The following DENND11 variants were observed in gnomAD, a reference collection of about 807,000 sequenced individuals.
DENND11 encodes the protein DENN domain containing 11.
DENND11 carries 34 observed loss-of-function variants against 49.2 expected under a neutral mutation model. The observed-to-expected ratio is 0.69, with a 90% CI of 0.53 to 0.92. DENND11 has a LOEUF of 0.92. DENND11 is among the 40% of genes least tolerant of loss of function. The pLI, the probability that DENND11 is intolerant of heterozygous loss-of-function variation, is 0.00. For synonymous variants in DENND11, 238 were observed against 230.3 expected (o/e 1.03, Z -0.30); for missense variants, 475 against 581.6 (o/e 0.82, Z 1.88).
At position 141,658,894 on chromosome 7, in the gene DENND11, G is replaced by C. The variant is rs1797741921; in HGVS notation, c.*3762C>G. The C allele has an allele frequency of 1.3e-5, 2 of 152,574 alleles. No individual in the cohort carries two copies. Among genetic ancestry groups the C allele is most frequent in the South Asian group, 4.1e-4 (2 of 4,820 alleles). The allele number at this position is 152,574 out of a possible 1,614,324, so 9.5% of individuals were successfully genotyped here. A position where few individuals can be genotyped will look rare whatever the true frequency, so the allele number is the denominator to read the frequency against. ...AGTGATTTCATCTTTTACTGTGTTTGAAGGGCTTTCAGTGCATCAAGACTG... is the reference window on the plus strand; with the variant it reads ...AGTGATTTCATCTTTTACTGTGTTTCAAGGGCTTTCAGTGCATCAAGACTG... On this transcript the variant is annotated 3_prime_UTR_variant, in exon 9 of 9. Transcript: ENST00000536163.
intron 1 of DENND11, 128 bp downstream of exon 1, chr7:141,701,758 G>C (rs1798523548): frequency 1.3e-6 from 1 of 794,900 alleles, no homozygotes. Context: ...GGGAGCCCGG[G>C]GCCGGCCCTG....
chr7:141,661,697 CTGCTGCTAA>C lies in DENND11; in HGVS notation c.*950_*958del, dbSNP rs948998061. 1.3e-5 allele frequency: 2 copies of C among 152,256 alleles called. No homozygotes were observed. Among genetic ancestry groups the C allele is most frequent in the Non-Finnish European group, 2.9e-5 (2 of 68,068 alleles). 9.4% of individuals were successfully genotyped at this position (152,256 alleles called of 1,614,324 possible). On this transcript the variant is annotated 3_prime_UTR_variant, in exon 9 of 9. Transcript: ENST00000536163. ...GTAAATCTGTGTTGACCCAGAGGTG[CTGCTGCTAA>C]TGCCTCCAGAGAATTCGTGTCCAGA...
At chr7:141,683,437 G>A (rs983986421) in intron 3 of DENND11, among the ~76,000 whole-genome samples, 2 of 152,016 alleles carry the variant, frequency 1.3e-5, no homozygotes, top group Non-Finnish European at 2.9e-5. Flanking sequence ...TCAGGAGTTC[G>A]AGACTAGCCT....
chr7:141,697,790 TAC>T (rs1419222371), intron 1 of DENND11, among the ~76,000 whole-genome samples: 1 of 152,184 alleles, frequency 6.6e-6, no homozygotes, highest in Non-Finnish European at 1.5e-5. Flanking sequence ...ACAGGGAATC[TAC>T]AGAGATTAAA....
rs748466235 is a variant in DENND11 at position 141,665,068 on chromosome 7, G to A, written c.953-14C>T. The A allele has an allele frequency of 3.7e-6, 6 of 1,612,956 alleles. No individual in the cohort carries two copies. In the African/African-American group the frequency reaches 5.3e-5, roughly 14 times the overall value. On this transcript the variant is annotated splice_polypyrimidine_tract_variant and intron_variant, in intron 6 of 8. Transcript: ENST00000536163. ...TCTCTGTGGTGCCTGTGGAACCCGGGGTTAGAGAGGTGGGAACCCACCCGA... is the reference window on the plus strand; with the variant it reads ...TCTCTGTGGTGCCTGTGGAACCCGGAGTTAGAGAGGTGGGAACCCACCCGA...
chr7:141,680,984 A>C (rs1406960970), intron 3 of DENND11, among the ~76,000 whole-genome samples: 1 of 152,164 alleles, frequency 6.6e-6, no homozygotes, highest in Non-Finnish European at 1.5e-5. Flanking sequence ...CGATACCTGG[A>C]AATGAGTTAC....
chr7:141,674,762 T>G (rs1180467385), intron 3 of DENND11, among the ~76,000 whole-genome samples: 1 of 152,094 alleles, frequency 6.6e-6, no homozygotes, highest in Non-Finnish European at 1.5e-5. Context: ...GCATCAAGTA[T>G]AATAATAAAG....
Position 141,692,639 on chromosome 7 carries a change from T to C in DENND11, c.269-5981A>G, listed in dbSNP as rs147249854. ...ACAAAAATTTATTCAATATGGAAAG[T>C]AGCTAGCCTAGGCAACATAGCGAGA... On this transcript the variant is annotated intron_variant, in intron 1 of 8. Coordinates refer to ENST00000536163, the MANE Select transcript of DENND11 (RefSeq NM_001080392.2). Among the ~76,000 whole-genome samples, 761 of 152,068 alleles carry C rather than the reference T, an allele frequency of 5.0e-3. 11 individuals carry two copies. The highest frequency in any genetic ancestry group is 0.017 in the African/African-American group (715 of 41,474).
intron 3 of DENND11, among the ~76,000 whole-genome samples, chr7:141,685,012 CAAA>C (rs869107786): frequency 3.7e-4 from 15 of 40,240 alleles, no homozygotes; most frequent in African/African-American, 1.2e-3. Context: ...CTGTCTCTAC[CAAA>C]AAAAAAAAAA....
At chr7:141,669,996 G>A (rs1002878113) in intron 4 of DENND11, among the ~76,000 whole-genome samples, 1 of 151,100 alleles carries the variant, frequency 6.6e-6, no homozygotes, top group African/African-American at 2.4e-5. Context: ...ATTTTTAGTA[G>A]AGACGGGGTT....
In DENND11 at chr7:141,694,267, G is replaced by GTATTT. The variant is rs949758673; in HGVS notation, c.268+7614_269-7610dup. Reference sequence around the variant, plus strand: ...TTATTCTTAGGAGATTTATACTGAAGTATTTTATTTTATTTTATTAAGAGA... The same window carrying GTATTT: ...TTATTCTTAGGAGATTTATACTGAAGTATTTTATTTTATTTTATTTTATTAAGAGA... On this transcript the variant is annotated intron_variant, in intron 1 of 8. Transcript: ENST00000536163. Among the ~76,000 whole-genome samples, 188 of 152,186 alleles carry GTATTT rather than the reference G, an allele frequency of 1.2e-3. 1 individual carries two copies. Among genetic ancestry groups the GTATTT allele is most frequent in the African/African-American group, 4.2e-3 (173 of 41,516 alleles).
At chr7:141,663,973 T>G in intron 8 of DENND11, 199 bp downstream of exon 8, 1 of 483,488 alleles carries the variant, frequency 2.1e-6, no homozygotes, top group Non-Finnish European at 3.8e-6. Flanking sequence ...GGGACCTGCT[T>G]CTTTCCCTAA....
intron 4 of DENND11, among the ~76,000 whole-genome samples, chr7:141,670,102 G>A (rs1165507343): frequency 2.0e-5 from 3 of 150,866 alleles, no homozygotes; most frequent in African/African-American, 7.4e-5. Flanking sequence ...GAGCCACCGC[G>A]CCCGGCCTCA....
intron 7 of DENND11, among the ~76,000 whole-genome samples, chr7:141,664,606 C>T (rs907492989): frequency 2.0e-5 from 3 of 152,228 alleles, no homozygotes; most frequent in Admixed American, 1.3e-4. Flanking sequence ...CACACAGGTA[C>T]ATCTAAAGGT....
chr7:141,664,167 C>T lies in DENND11; in HGVS notation c.1172+5G>A. On this transcript the variant is annotated splice_donor_5th_base_variant and intron_variant, in intron 8 of 8. Transcript: ENST00000536163. ...AGACTCCACATCCACGGCCCCAGGA[C>T]TCACAGCACGAAGAGGTCCTCTTCA... 2 of 1,574,204 alleles carry T rather than the reference C, an allele frequency of 1.3e-6. No individual in the cohort carries two copies. Among genetic ancestry groups the T allele is most frequent in the South Asian group, 2.3e-5 (2 of 85,830 alleles).
chr7:141,672,708 A>T (rs969996394), intron 4 of DENND11, among the ~76,000 whole-genome samples: 2 of 152,188 alleles, frequency 1.3e-5, no homozygotes, highest in African/African-American at 4.8e-5. Flanking sequence ...ATAAATATGT[A>T]CTGTTTTAAA....
intron 8 of DENND11, 134 bp from the exon 9 acceptor site, chr7:141,662,985 A>T (rs1797827808): frequency 3.3e-6 from 2 of 597,492 alleles, no homozygotes; most frequent in South Asian, 3.1e-5. Flanking sequence ...GGTATCTTTT[A>T]AAAAAAGAAA....
intron 4 of DENND11, among the ~76,000 whole-genome samples, chr7:141,667,716 G>A (rs1158436554): frequency 2.0e-5 from 3 of 152,116 alleles, no homozygotes; most frequent in African/African-American, 4.8e-5. Context: ...ACCTATACCC[G>A]AGCCTCAGGG....
rs1797734263 is a variant in DENND11 at position 141,658,507 on chromosome 7, C to A, written c.*4149G>T. The A allele has an allele frequency of 6.6e-6, 1 of 152,236 alleles. No homozygotes were observed. 9.4% of individuals were successfully genotyped at this position (152,236 alleles called of 1,614,324 possible). A position where few individuals can be genotyped will look rare whatever the true frequency, so the allele number is the denominator to read the frequency against. ...AGGAGGGCTGGCCATTTGGCAGAATCCAAGCCTACTAGCTTGGGATCTACT... is the reference window on the plus strand; with the variant it reads ...AGGAGGGCTGGCCATTTGGCAGAATACAAGCCTACTAGCTTGGGATCTACT... On this transcript the variant is annotated 3_prime_UTR_variant, in exon 9 of 9. Coordinates refer to ENST00000536163, the MANE Select transcript of DENND11 (RefSeq NM_001080392.2).
Sources: gnomAD v4.1 joint callset for allele counts (sites outside exome capture counted in the v4.1 genomes callset) on GRCh38, gnomAD v4.1.1 for gene constraint, MANE v1.5 for transcripts, NCBI Gene and HGNC (gene_info 2026-07-23, HGNC 2026-07-21) for gene names.